The following IQCM variants were observed in gnomAD, a reference collection of about 807,000 sequenced individuals.
The protein encoded by IQCM is IQ domain-containing protein M.
In IQCM, 45 loss-of-function variants were observed where a neutral mutation model predicts 57.6. That is an observed-to-expected ratio of 0.78 (90% CI 0.62 to 1.00). The LOEUF (loss-of-function observed/expected upper bound fraction) is 1.00, where lower values mean the gene tolerates loss of function less well. IQCM is among the 50% of genes least tolerant of loss of function. The pLI, the probability that IQCM is intolerant of heterozygous loss-of-function variation, is 0.00. For missense variants in IQCM, 468 were observed against 511.6 expected (o/e 0.91, Z 0.82); for synonymous variants, 148 against 158.9 (o/e 0.93, Z 0.51).
chr4:149,376,695 T>C (rs1730721969), intron 13 of IQCM, among the ~76,000 whole-genome samples: 1 of 152,148 alleles, frequency 6.6e-6, no homozygotes, highest in African/African-American at 2.4e-5. Flanking sequence ...TTAATATTTA[T>C]GTGGTAAGAC....
intron 12 of IQCM, among the ~76,000 whole-genome samples, chr4:149,470,564 C>T (rs184180051): frequency 2.6e-3 from 395 of 152,160 alleles, no homozygotes; most frequent in Non-Finnish European, 4.4e-3. Flanking sequence ...GACAGATCAA[C>T]GAGACAGAAA....
intron 2 of IQCM, among the ~76,000 whole-genome samples, chr4:149,789,363 A>G (rs1191405120): frequency 6.6e-6 from 1 of 152,226 alleles, no homozygotes; most frequent in Non-Finnish European, 1.5e-5. Flanking sequence ...CAGGCCACAC[A>G]GCAAGAAAAA....
intron 9 of IQCM, among the ~76,000 whole-genome samples, chr4:149,570,363 T>C (rs1751036928): frequency 6.6e-6 from 1 of 152,078 alleles, no homozygotes; most frequent in South Asian, 2.1e-4. Flanking sequence ...ATTTAATCTT[T>C]ACGTGAAAAT....
At chr4:149,517,713 T>C (rs368322304) in intron 12 of IQCM, among the ~76,000 whole-genome samples, 26 of 152,270 alleles carry the variant, frequency 1.7e-4, no homozygotes, top group African/African-American at 6.0e-4. Context: ...GTGGGCACCA[T>C]CTAATTAGCT....
intron 13 of IQCM, among the ~76,000 whole-genome samples, chr4:149,360,385 C>G (rs1439353524): frequency 1.3e-5 from 2 of 152,090 alleles, no homozygotes; most frequent in Non-Finnish European, 2.9e-5. Flanking sequence ...TATGCAAATA[C>G]TACATCATTT....
At chr4:149,553,750 T>G (rs1165744054) in intron 10 of IQCM, among the ~76,000 whole-genome samples, 2 of 152,330 alleles carry the variant, frequency 1.3e-5, no homozygotes, top group South Asian at 4.1e-4. Context: ...TTAAGGTTTT[T>G]TTGTTGTTGT....
At chr4:149,533,293 A>G (rs1221714693) in intron 12 of IQCM, among the ~76,000 whole-genome samples, 2 of 152,124 alleles carry the variant, frequency 1.3e-5, no homozygotes, top group Non-Finnish European at 2.9e-5. Flanking sequence ...GAAATAAAGA[A>G]ATAAATAAGC....
intron 2 of IQCM, among the ~76,000 whole-genome samples, chr4:149,814,134 A>T (rs558739864): frequency 6.6e-6 from 1 of 152,154 alleles, no homozygotes; most frequent in South Asian, 2.1e-4. Flanking sequence ...CTAGGTCCTG[A>T]GTTCTTTAAT....
intron 12 of IQCM, among the ~76,000 whole-genome samples, chr4:149,450,343 A>T (rs984926517): frequency 1.3e-5 from 2 of 151,886 alleles, no homozygotes; most frequent in East Asian, 3.9e-4. Context: ...ACAGGCAACC[A>T]AAGCAAAAAT....
At position 149,739,455 on chromosome 4, in the gene IQCM, A is replaced by T. The variant is rs73857737; in HGVS notation, c.37+3200T>A. On this transcript the variant is annotated intron_variant, in intron 3 of 13. Coordinates refer to ENST00000636793, the MANE Select transcript of IQCM (RefSeq NM_001363507.2). ...TCATTGGGCTAAACTTTTCCCCAACAGTGTTTATATAATTTTTTTTTTTTT... is the reference window on the plus strand; with the variant it reads ...TCATTGGGCTAAACTTTTCCCCAACTGTGTTTATATAATTTTTTTTTTTTT... Among the ~76,000 whole-genome samples the T allele has an allele frequency of 8.8e-4, 103 of 117,146 alleles. 1 individual carries two copies. Among genetic ancestry groups the T allele is most frequent in the Admixed American group, 1.0e-3 (10 of 9,744 alleles). The allele number at this position is 117,146 out of a possible 152,430, so 76.9% of individuals were successfully genotyped here.
intron 13 of IQCM, among the ~76,000 whole-genome samples, chr4:149,377,651 A>C (rs1730786930): frequency 6.6e-6 from 1 of 152,174 alleles, no homozygotes; most frequent in African/African-American, 2.4e-5. Context: ...TGATGGGGAA[A>C]GGGATCCTAT....
chr4:149,764,016 T>C (rs1468954637), intron 2 of IQCM, among the ~76,000 whole-genome samples: 2 of 152,048 alleles, frequency 1.3e-5, no homozygotes, highest in Non-Finnish European at 2.9e-5. Flanking sequence ...CAAATTACCT[T>C]GTGAACAAAA....
At chr4:149,474,641 C>A (rs1392257572) in intron 12 of IQCM, among the ~76,000 whole-genome samples, 1 of 151,468 alleles carries the variant, frequency 6.6e-6, no homozygotes, top group East Asian at 1.9e-4. Context: ...CGCTTGAACT[C>A]GGGAGGCAGA....
intron 13 of IQCM, chr4:149,430,052 T>C: frequency 8.2e-7 from 1 of 1,217,454 alleles, no homozygotes. Context: ...TAAATAGCAG[T>C]CAGGTTCTTA....
chr4:149,676,312 T>C (rs2150190707), intron 7 of IQCM, among the ~76,000 whole-genome samples: 1 of 152,218 alleles, frequency 6.6e-6, no homozygotes, highest in African/African-American at 2.4e-5. Context: ...CGAAAGTCAG[T>C]CAATGTTGTG....
chr4:149,706,862 T>A (rs1764198857), intron 5 of IQCM, among the ~76,000 whole-genome samples: 1 of 151,964 alleles, frequency 6.6e-6, no homozygotes, highest in Non-Finnish European at 1.5e-5. Flanking sequence ...GTGGAATGGT[T>A]AAATTGTGAG....
chr4:149,513,234 G>A (rs1744603307), intron 12 of IQCM, among the ~76,000 whole-genome samples: 1 of 152,178 alleles, frequency 6.6e-6, no homozygotes, highest in Non-Finnish European at 1.5e-5. Context: ...GGATATTTCA[G>A]AGTATAATGA....
chr4:149,794,720 T>A (rs1772957936), intron 2 of IQCM, among the ~76,000 whole-genome samples: 1 of 152,010 alleles, frequency 6.6e-6, no homozygotes, highest in Non-Finnish European at 1.5e-5. Flanking sequence ...ATATAATTAC[T>A]AAAATTAGAA....
chr4:149,631,811 C>T (rs1757290133), intron 7 of IQCM, among the ~76,000 whole-genome samples: 2 of 152,094 alleles, frequency 1.3e-5, no homozygotes, highest in Non-Finnish European at 2.9e-5. Flanking sequence ...ATATCAATTG[C>T]CATTGTACCT....
Sources: allele counts gnomAD v4.1 joint callset (sites outside exome capture counted in the v4.1 genomes callset), GRCh38; gene constraint gnomAD v4.1.1; transcripts MANE v1.5; gene names NCBI Gene and HGNC (gene_info 2026-07-23, HGNC 2026-07-21).